The following GIMD1 variants were observed in gnomAD, a reference collection of about 807,000 sequenced individuals.
The protein encoded by GIMD1 is GTPase IMAP family member GIMD1.
In GIMD1, 14 loss-of-function variants were observed where a neutral mutation model predicts 14.9. The observed-to-expected ratio is 0.94, with a 90% CI of 0.62 to 1.47. The LOEUF (loss-of-function observed/expected upper bound fraction) is 1.47. Among genes scored for constraint, GIMD1 ranks in the 40% most tolerant of loss-of-function variants. GIMD1 has a pLI of 0.00. For missense variants in GIMD1, 272 were observed against 255.3 expected (o/e 1.07, Z -0.44); for synonymous variants, 91 against 90.5 (o/e 1.01, Z -0.03).
At chr4:106,363,880 T>TA (rs1770651768) in intron 2 of GIMD1, among the ~76,000 whole-genome samples, 1 of 64,568 alleles carries the variant, frequency 1.5e-5, no homozygotes, top group Non-Finnish European at 2.5e-5. Context: ...CAGAATACCA[T>TA]AATGGGGGGG....
At chr4:106,366,912 T>C in intron 2 of GIMD1, 131 bp downstream of exon 2, 1 of 302,758 alleles carries the variant, frequency 3.3e-6, no homozygotes, top group Non-Finnish European at 5.4e-6. Context: ...GTTGTATAAA[T>C]TATTATGTAC....
At chr4:106,363,968 G>A (rs1770655623) in intron 2 of GIMD1, among the ~76,000 whole-genome samples, 1 of 150,930 alleles carries the variant, frequency 6.6e-6, no homozygotes, top group South Asian at 2.1e-4. Context: ...CTCTTTCCTT[G>A]AGGTGACTAT....
At chr4:106,366,944 T>TATAATA (rs200136606) in intron 2 of GIMD1, 99 bp downstream of exon 2, 1 of 338,164 alleles carries the variant, frequency 3.0e-6, no homozygotes, top group Non-Finnish European at 4.7e-6. Flanking sequence ...ATACTAATAG[T>TATAATA]ATAATAATAA....
intron 1 of GIMD1, 150 bp downstream of exon 1, chr4:106,368,560 G>A (rs1042053527): frequency 1.5e-5 from 6 of 391,150 alleles, no homozygotes; most frequent in African/African-American, 6.2e-5. Flanking sequence ...CATTTTGCGG[G>A]TCCCTCCAGT....
At chr4:106,359,477 G>A (rs1770582835) in intron 2 of GIMD1, among the ~76,000 whole-genome samples, 1 of 151,782 alleles carries the variant, frequency 6.6e-6, no homozygotes, top group Non-Finnish European at 1.5e-5. Flanking sequence ...CACTTTACAT[G>A]CGTTACCTCT....
rs563446935 is a variant in GIMD1 at position 106,362,092 on chromosome 4, G to T, written c.394-3649C>A. Among the ~76,000 whole-genome samples, 90 of 152,146 alleles carry T rather than the reference G, an allele frequency of 5.9e-4. 4 individuals are homozygous for T. The highest frequency in any genetic ancestry group is 1.8e-3 in the Admixed American group (27 of 15,242). ...TAAATCACCTAAGGATAATAGATTT[G>T]TAAGTGCCATGCCACTTAAAAGTCC... On this transcript the variant is annotated intron_variant, in intron 2 of 2. Transcript: ENST00000638719.
intron 2 of GIMD1, among the ~76,000 whole-genome samples, chr4:106,360,471 T>C (rs1352560854): frequency 6.6e-6 from 1 of 151,798 alleles, no homozygotes; most frequent in African/African-American, 2.4e-5. Context: ...CTCTTTAGAG[T>C]TTGTTGTATA....
rs768697498 is a variant in GIMD1, at chr4:106,367,260, A to G, written c.176T>C (p.Met59Thr). 14 of 1,535,738 alleles carry G rather than the reference A, an allele frequency of 9.1e-6. No homozygotes were observed. In the South Asian group the frequency reaches 1.3e-4, roughly 14 times the overall value. ...LGRSCHLHSF[M>T]RRGGLEVALQ... ...GGCTACCTCTAGCCCACCTCGACGC[A>G]TGAAGCTGTGGAGGTGACAACTGCG... The change falls in exon 2 of 3, where the codon ATG becomes ACG. Residue 59 changes from methionine to threonine, a missense_variant. Physicochemically the swap from Met to Thr is moderately conservative, Grantham distance 81. Coordinates refer to ENST00000638719, the MANE Select transcript of GIMD1 (RefSeq NM_001195138.2).
Position 106,367,397 on chromosome 4 carries a change from G to A in GIMD1, c.39C>T (p.Leu13=). 3 of 1,535,572 alleles carry A rather than the reference G, an allele frequency of 2.0e-6. No homozygotes were observed. Among genetic ancestry groups the A allele is most frequent in the South Asian group, 1.2e-5 (1 of 84,002 alleles). Reference sequence around the variant, plus strand: ...TTTTTCCACTCTGAGTCATGCCAAAGAGGGCCAAGTTGATGATCATCTTGT... The same window carrying A: ...TTTTTCCACTCTGAGTCATGCCAAAAAGGGCCAAGTTGATGATCATCTTGT... ...DPNKMIINLA[L]FGMTQSGKSS... is the part of the protein sequence containing the mutation. Residue 13 remains leucine (L), a synonymous_variant, in exon 2 of 3, where the codon CTC becomes CTT. Coordinates refer to ENST00000638719, the MANE Select transcript of GIMD1 (RefSeq NM_001195138.2).
intron 1 of GIMD1, 142 bp downstream of exon 1, chr4:106,368,568 A>C (rs1422980693): frequency 2.6e-6 from 1 of 391,902 alleles, no homozygotes; most frequent in Non-Finnish European, 4.5e-6. Context: ...GGGTCCCTCC[A>C]GTTCACACCA....
chr4:106,361,024 C>T (rs888002907), intron 2 of GIMD1, among the ~76,000 whole-genome samples: 1 of 152,034 alleles, frequency 6.6e-6, no homozygotes, highest in Non-Finnish European at 1.5e-5. Context: ...ATACAGCAAT[C>T]CCTGGATCAT....
chr4:106,367,581 A>C, intron 1 of GIMD1, 144 bp from the exon 2 acceptor site: 1 of 706,434 alleles, frequency 1.4e-6, no homozygotes, highest in Non-Finnish European at 2.3e-6. Context: ...ATGGAGGAGG[A>C]CTGCTCCACT....
chr4:106,360,156 C>T (rs1770592901), intron 2 of GIMD1, among the ~76,000 whole-genome samples: 1 of 151,522 alleles, frequency 6.6e-6, no homozygotes, highest in Non-Finnish European at 1.5e-5. Context: ...CTTTTTTTTG[C>T]AGTTTATCAT....
At chr4:106,365,938 TACAC>T (rs74949934) in intron 2 of GIMD1, among the ~76,000 whole-genome samples, 34,356 of 148,248 alleles carry the variant, frequency 0.23, 4,089 homozygotes, top group Middle Eastern at 0.39. Context: ...TACACACACG[TACAC>T]ACACACACAC....
At position 106,358,233 on chromosome 4, in the gene GIMD1, T is replaced by C. The variant is rs1200996242; in HGVS notation, c.604A>G (p.Ile202Val). Residue 202 changes from isoleucine (I) to valine (V), a missense_variant, in exon 3 of 3, where the codon ATC becomes GTC. By Grantham distance (29) the Ile-to-Val change is conservative. Transcript: ENST00000638719. ...NEQRMKILER[I>V]MEFIKENCYQ... ...CAGTTCTCTTTTATAAATTCCATGA[T>C]TCTTTCTAAGATTTTCATTCTTTGT... 1 of 1,513,800 alleles carries C rather than the reference T, an allele frequency of 6.6e-7. No individual in the cohort carries two copies. Among genetic ancestry groups the C allele is most frequent in the Non-Finnish European group, 8.8e-7 (1 of 1,134,198 alleles). 93.8% of individuals were successfully genotyped at this position (1,513,800 alleles called of 1,614,324 possible).
chr4:106,361,010 G>A (rs932143446), intron 2 of GIMD1, among the ~76,000 whole-genome samples: 1 of 152,042 alleles, frequency 6.6e-6, no homozygotes, highest in East Asian at 1.9e-4. Flanking sequence ...TCTGGCCTCT[G>A]GGAATACAGC....
At chr4:106,366,439 G>A (rs1394409190) in intron 2 of GIMD1, among the ~76,000 whole-genome samples, 1 of 152,124 alleles carries the variant, frequency 6.6e-6, no homozygotes, top group Non-Finnish European at 1.5e-5. Context: ...CTGTTTAGAT[G>A]CTCAATAGAG....
At chr4:106,358,990 T>C (rs1242655387) in intron 2 of GIMD1, among the ~76,000 whole-genome samples, 1 of 151,978 alleles carries the variant, frequency 6.6e-6, no homozygotes, top group Non-Finnish European at 1.5e-5. Flanking sequence ...CAAAATATTA[T>C]AACTGTGAGT....
intron 1 of GIMD1, 120 bp from the exon 2 acceptor site, chr4:106,367,557 G>C: frequency 1.1e-6 from 1 of 930,404 alleles, no homozygotes. Context: ...CCCTTCATTC[G>C]TAGTGACTAA....
Sources: allele counts gnomAD v4.1 joint callset (sites outside exome capture counted in the v4.1 genomes callset), GRCh38; gene constraint gnomAD v4.1.1; transcripts MANE v1.5; gene names NCBI Gene and HGNC (gene_info 2026-07-23, HGNC 2026-07-21).